GBP4: variants seen among roughly 807,000 people sequenced by gnomAD.
The protein encoded by GBP4 is guanylate-binding protein 4.
GBP4 carries 69 observed loss-of-function variants against 62.2 expected under a neutral mutation model. That is an observed-to-expected ratio of 1.11 (90% CI 0.91 to 1.36). GBP4 has a LOEUF of 1.36. Among genes scored for constraint, GBP4 ranks in the 40% most tolerant of loss-of-function variants. The probability of loss-of-function intolerance (pLI) is 0.00; values close to 1 mark genes in which losing one functional copy is unlikely to be tolerated. For synonymous variants in GBP4, 278 were observed against 274.6 expected (o/e 1.01, Z -0.12); for missense variants, 697 against 759.3 (o/e 0.92, Z 0.96).
chr1:89,193,375 G>C lies in GBP4; in HGVS notation c.401C>G (p.Ala134Gly). The stretch of plus-strand genomic sequence containing the variant: ...GACAAAGCTGCTGCTTAGAAGCACA[G>C]CCAGGGCAAAGATCCACGAGTCATT... ...PKNDSWIFAL[A>G]VLLSSSFVYN... Residue 134 changes from alanine to glycine, a missense_variant, in exon 4 of 11, where the codon GCT (alanine) becomes GGT (glycine). By Grantham distance (60) the Ala-to-Gly change is moderately conservative. This residue lies in a region of GBP4 where 556 missense variants were observed against 562.7 expected (regional missense o/e 0.99). Coordinates refer to ENST00000355754, the MANE Select transcript of GBP4 (RefSeq NM_052941.5). 6.2e-7 allele frequency: 1 copy of C among 1,614,206 alleles called. No individual in the cohort carries two copies. Among genetic ancestry groups the C allele is most frequent in the Non-Finnish European group, 8.5e-7 (1 of 1,180,024 alleles).
chr1:89,185,323 CATT>C lies in GBP4; in HGVS notation c.1851_1853del (p.Ile617del). On this transcript the variant is annotated inframe_deletion, in exon 11 of 11. Coordinates refer to ENST00000355754, the MANE Select transcript of GBP4 (RefSeq NM_052941.5). ...TGGAAGCCCCAGGTAGAGTGACAAT[CATT>C]ATGTTGCTAGCCATGTCAAGGATCT... The C allele has an allele frequency of 6.2e-7, 1 of 1,613,688 alleles. No homozygotes were observed. Among genetic ancestry groups the C allele is most frequent in the Non-Finnish European group, 8.5e-7 (1 of 1,179,640 alleles).
intron 5 of GBP4, 138 bp downstream of exon 5, chr1:89,192,766 T>C (rs1648221237): frequency 2.8e-6 from 2 of 708,832 alleles, no homozygotes; most frequent in East Asian, 5.5e-5. Context: ...TAATCACTTG[T>C]CAATCACCAA....
At position 89,197,290 on chromosome 1, in the gene GBP4, C is replaced by A; in HGVS notation, c.55G>T (p.Glu19Ter). Residue 19 changes from glutamate to a stop codon, truncating the protein, a stop_gained, in exon 2 of 11, where the codon GAA (glutamate) becomes TAA (stop). Coordinates refer to ENST00000355754, the MANE Select transcript of GBP4 (RefSeq NM_052941.5). LOFTEE classifies it high-confidence loss of function. Reference protein sequence around the residue: ...AVPTPGYPESESIMMAPICLV... With the variant: ...AVPTPGYPES The stretch of plus-strand genomic sequence containing the variant: ...CAAATGGGGGCCATCATGATGGATT[C>A]AGATTCTGGATAACCTGTAACCCAG... The A allele has an allele frequency of 6.2e-7, 1 of 1,613,786 alleles. No homozygotes were observed. The highest frequency in any genetic ancestry group is 1.7e-5 in the Admixed American group (1 of 60,002).
At position 89,181,486 on chromosome 1, in the gene GBP4, G is replaced by C. The variant is rs1344365913; in HGVS notation, c.*3768C>G. 1 of 152,500 alleles carries C rather than the reference G, an allele frequency of 6.6e-6. No homozygotes were observed. The highest frequency in any genetic ancestry group is 1.5e-5 in the Non-Finnish European group (1 of 68,224). The allele number at this position is 152,500 out of a possible 1,614,324, so 9.4% of individuals were successfully genotyped here. On this transcript the variant is annotated 3_prime_UTR_variant, in exon 11 of 11. Coordinates refer to ENST00000355754, the MANE Select transcript of GBP4 (RefSeq NM_052941.5). ...AGGTCACAGGGGATATGATGGCTTA[G>C]CTTGGGCTCAGAGGCCTGACATTTA...
intron 5 of GBP4, among the ~76,000 whole-genome samples, 171 bp from the exon 6 acceptor site, chr1:89,191,677 A>G (rs1418389359): frequency 6.6e-6 from 1 of 152,222 alleles, no homozygotes; most frequent in Non-Finnish European, 1.5e-5. Flanking sequence ...TGGAAAATCC[A>G]TTTTTGTACA....
chr1:89,197,418 C>G, intron 1 of GBP4, 114 bp from the exon 2 acceptor site: 1 of 715,734 alleles, frequency 1.4e-6, no homozygotes, highest in Non-Finnish European at 2.2e-6. Flanking sequence ...TATAAAATTT[C>G]TACATTTTAA....
rs199804429 is a variant in GBP4, at chr1:89,191,215, A to T, written c.916+46T>A. ...CTTGCAGTCATTACAGCTTCAACAC[A>T]TCCTGGACCACAGACAGACATGCTT... On this transcript the variant is annotated intron_variant, in intron 6 of 10. Coordinates refer to ENST00000355754, the MANE Select transcript of GBP4 (RefSeq NM_052941.5). 35 of 1,600,906 alleles carry T rather than the reference A, an allele frequency of 2.2e-5. No individual in the cohort carries two copies. The East Asian group carries it at 7.6e-4, about 35-fold the overall frequency.
chr1:89,195,524 A>G lies in GBP4; in HGVS notation c.236-100T>C, dbSNP rs1648311667. On this transcript the variant is annotated intron_variant, in intron 2 of 10. Transcript: ENST00000355754. ...TTGTAGGAATGTTTAAGTGGCTGAC[A>G]GGGGAAAAGGGTTGTTTCCATCTCA... 6.4e-6 allele frequency: 9 copies of G among 1,397,284 alleles called. No individual in the cohort carries two copies. In the South Asian group the frequency reaches 1.0e-4, roughly 16 times the overall value. The allele number at this position is 1,397,284 out of a possible 1,614,324, so 86.6% of individuals were successfully genotyped here.
chr1:89,187,950 C>CT (rs1648081542), intron 8 of GBP4, among the ~76,000 whole-genome samples: 3 of 152,174 alleles, frequency 2.0e-5, no homozygotes, highest in South Asian at 2.1e-4. Flanking sequence ...AGGAAAAATT[C>CT]TGAGTTTCCA....
chr1:89,190,512 A>G (rs1170368400), intron 6 of GBP4, among the ~76,000 whole-genome samples, 194 bp from the exon 7 acceptor site: 1 of 151,852 alleles, frequency 6.6e-6, no homozygotes, highest in African/African-American at 2.4e-5. Flanking sequence ...TATTTTTCCT[A>G]TTCACTCTTT....
At chr1:89,188,370 G>T (rs1648093207) in intron 8 of GBP4, among the ~76,000 whole-genome samples, 1 of 152,092 alleles carries the variant, frequency 6.6e-6, no homozygotes, top group Non-Finnish European at 1.5e-5. Context: ...GTTTCATCTG[G>T]ATTCATGATG....
intron 6 of GBP4, among the ~76,000 whole-genome samples, chr1:89,190,921 G>A (rs1255935638): frequency 6.6e-6 from 1 of 152,056 alleles, no homozygotes; most frequent in Non-Finnish European, 1.5e-5. Context: ...ATGGCCTGAT[G>A]TTGATTTCCT....
In GBP4 at chr1:89,182,786, T is replaced by TTA. The variant is rs1454003679; in HGVS notation, c.*2466_*2467dup. The TTA allele has an allele frequency of 6.6e-6, 1 of 152,210 alleles. No homozygotes were observed. The highest frequency in any genetic ancestry group is 2.4e-5 in the African/African-American group (1 of 41,442). 9.4% of individuals were successfully genotyped at this position (152,210 alleles called of 1,614,324 possible). A position where few individuals can be genotyped will look rare whatever the true frequency, so the allele number is the denominator to read the frequency against. ...ATGAGTTGATTTTTAACTACTGGGT[T>TTA]TAGGCCAGGCAGGCCCAGGCCTGGT... On this transcript the variant is annotated 3_prime_UTR_variant, in exon 11 of 11. Coordinates refer to ENST00000355754, the MANE Select transcript of GBP4 (RefSeq NM_052941.5).
chr1:89,185,341 G>A lies in GBP4; in HGVS notation c.1836C>T (p.Asp612=). The A allele has an allele frequency of 1.2e-6, 2 of 1,613,206 alleles. No homozygotes were observed. Among genetic ancestry groups the A allele is most frequent in the East Asian group, 2.2e-5 (1 of 44,832 alleles). Residue 612 remains aspartate (D), a synonymous_variant, in exon 11 of 11, where the codon GAC becomes GAT. Transcript: ENST00000355754. ...NEQLRLLKIL[D]MASNIMIVTL... is the part of the protein sequence containing the mutation. ...TGACAATCATTATGTTGCTAGCCAT[G>A]TCAAGGATCTTTAAGAGCCTTAACT...
rs969757978 is a variant in GBP4, at chr1:89,197,046, GGT to G, written c.235+62_235+63del. ...CCTTCTTTAGGATGACCCTAGAGGGGGTGTGATCAGCTGTGTTATCACTGGTT... is the reference window on the plus strand; with the variant it reads ...CCTTCTTTAGGATGACCCTAGAGGGGGTGATCAGCTGTGTTATCACTGGTT... On this transcript the variant is annotated intron_variant, in intron 2 of 10. Transcript: ENST00000355754. 1.1e-5 allele frequency: 15 copies of G among 1,381,806 alleles called. No homozygotes were observed. In the African/African-American group the frequency reaches 1.9e-4, roughly 17 times the overall value. 85.6% of individuals were successfully genotyped at this position (1,381,806 alleles called of 1,614,324 possible). A position where few individuals can be genotyped will look rare whatever the true frequency, so the allele number is the denominator to read the frequency against.
chr1:89,197,779 A>T (rs924263510), intron 1 of GBP4, among the ~76,000 whole-genome samples: 4 of 152,148 alleles, frequency 2.6e-5, no homozygotes, highest in African/African-American at 9.7e-5. Flanking sequence ...CGTACCTACC[A>T]TGTGCTAATT....
intron 2 of GBP4, 80 bp from the exon 3 acceptor site, chr1:89,195,504 G>A: frequency 6.5e-7 from 1 of 1,540,654 alleles, no homozygotes; most frequent in South Asian, 1.1e-5. Context: ...TAAACTTGTA[G>A]GAATGTTTAA....
At position 89,198,902 on chromosome 1, in the gene GBP4, A is replaced by G. The variant is rs967244717; in HGVS notation, c.-68T>C. On this transcript the variant is annotated 5_prime_UTR_variant, in exon 1 of 11. Coordinates refer to ENST00000355754, the MANE Select transcript of GBP4 (RefSeq NM_052941.5). The stretch of plus-strand genomic sequence containing the variant: ...TCTTAGAAGCTGAAAGTCCAGCCGG[A>G]TTTACAGACATCCAAGTAAGAGTCT... 2.1e-6 allele frequency: 3 copies of G among 1,416,964 alleles called. No homozygotes were observed. The highest frequency in any genetic ancestry group is 2.3e-5 in the East Asian group (1 of 43,968). The allele number at this position is 1,416,964 out of a possible 1,614,324, so 87.8% of individuals were successfully genotyped here.
intron 6 of GBP4, among the ~76,000 whole-genome samples, chr1:89,191,048 T>C (rs541025385): frequency 1.3e-5 from 2 of 152,312 alleles, no homozygotes; most frequent in South Asian, 4.1e-4. Flanking sequence ...ATGCCATTAG[T>C]GTATTAATTT....
Sources: allele counts gnomAD v4.1 joint callset (sites outside exome capture counted in the v4.1 genomes callset), GRCh38; gene constraint gnomAD v4.1.1; regional missense constraint gnomAD v4.1.1; transcripts MANE v1.5; gene names NCBI Gene and HGNC (gene_info 2026-07-23, HGNC 2026-07-21).